Variants in SAMMSON observed in about 807,000 individuals in gnomAD.
SAMMSON encodes survival associated mitochondrial melanoma specific oncogenic non-coding RNA.
intron 3 of SAMMSON, among the ~76,000 whole-genome samples, chr3:70,041,487 A>C (rs1483043310): frequency 6.6e-6 from 1 of 152,104 alleles, no homozygotes; most frequent in Non-Finnish European, 1.5e-5. Context: ...TTCTTCATCT[A>C]AAACATGGTG....
chr3:70,098,256 A>G lies in SAMMSON; in HGVS notation n.507+26691A>G, dbSNP rs141727677. ...GTAGGGTTTGTGTGTCGTTTCATCA[A>G]TGGCAGGAATCCCTGCAAACTGAAA... On this transcript the variant is annotated intron_variant and non_coding_transcript_variant, in intron 4 of 9. Coordinates refer to ENST00000642114, the Ensembl canonical transcript of SAMMSON. 3.6e-3 allele frequency among the ~76,000 whole-genome samples: 552 copies of G among 152,304 alleles called. 1 individual carries two copies. The highest frequency in any genetic ancestry group is 0.012 in the African/African-American group (495 of 41,566).
intron 4 of SAMMSON, among the ~76,000 whole-genome samples, chr3:70,169,998 A>T (rs1010204408): frequency 1.3e-5 from 2 of 151,964 alleles, no homozygotes; most frequent in African/African-American, 4.8e-5. Flanking sequence ...GTAGTTCATC[A>T]AATGGAATGG....
At chr3:70,027,983 G>C (rs1439684544) in intron 3 of SAMMSON, among the ~76,000 whole-genome samples, 1 of 152,156 alleles carries the variant, frequency 6.6e-6, no homozygotes, top group African/African-American at 2.4e-5. Context: ...CAATTCAGCA[G>C]TATTAGGGCA....
At chr3:70,229,542 T>A (rs1701539511) in intron 4 of SAMMSON, among the ~76,000 whole-genome samples, 1 of 152,216 alleles carries the variant, frequency 6.6e-6, no homozygotes, top group African/African-American at 2.4e-5. Context: ...TAAAAATAGT[T>A]CTGGCTGAAG....
At chr3:70,365,196 A>G (rs1292399546) in intron 9 of SAMMSON, among the ~76,000 whole-genome samples, 3 of 151,654 alleles carry the variant, frequency 2.0e-5, no homozygotes, top group Non-Finnish European at 4.4e-5. Context: ...TTTTCTTAAT[A>G]CATTTCCTCC....
intron 6 of SAMMSON, among the ~76,000 whole-genome samples, chr3:70,286,899 A>G (rs1400516740): frequency 6.6e-6 from 1 of 151,918 alleles, no homozygotes; most frequent in Non-Finnish European, 1.5e-5. Context: ...ATTTTTGTAC[A>G]TTGATTTTGT....
chr3:70,319,563 G>A (rs1702521098), intron 7 of SAMMSON, among the ~76,000 whole-genome samples: 1 of 152,034 alleles, frequency 6.6e-6, no homozygotes. Flanking sequence ...GGCAGACACA[G>A]CCTAGAACAA....
At chr3:70,258,425 T>C in intron 6 of SAMMSON, among the ~76,000 whole-genome samples, 1 of 152,218 alleles carries the variant, frequency 6.6e-6, no homozygotes, top group Non-Finnish European at 1.5e-5. Context: ...AATATGTATT[T>C]ACAGAGAGAG....
chr3:70,150,539 A>AAGCTTGAACAAAGCCAAC (rs2067567214), intron 4 of SAMMSON, among the ~76,000 whole-genome samples: 1 of 152,064 alleles, frequency 6.6e-6, no homozygotes, highest in Admixed American at 6.6e-5. Flanking sequence ...GAGTTGAACC[A>AAGCTTGAACAAAGCCAAC]TAGTTGGCTT....
intron 4 of SAMMSON, among the ~76,000 whole-genome samples, chr3:70,074,579 A>G (rs758246246): frequency 3.3e-5 from 5 of 152,170 alleles, no homozygotes; most frequent in African/African-American, 4.8e-5. Context: ...TAAAATTGTT[A>G]TAAATTTGTC....
chr3:70,010,342 GT>G (rs1476698619), intron 1 of SAMMSON, among the ~76,000 whole-genome samples: 4 of 151,978 alleles, frequency 2.6e-5, no homozygotes, highest in Non-Finnish European at 5.9e-5. Context: ...GTGCATATAT[GT>G]TTAGGATAGT....
At chr3:70,058,294 A>T (rs1341104972) in intron 3 of SAMMSON, among the ~76,000 whole-genome samples, 1 of 152,006 alleles carries the variant, frequency 6.6e-6, no homozygotes, top group Non-Finnish European at 1.5e-5. Context: ...CCTCCTTAGC[A>T]TAAAGCTGCA....
chr3:70,106,012 C>T (rs997194535), intron 4 of SAMMSON, among the ~76,000 whole-genome samples: 1 of 152,188 alleles, frequency 6.6e-6, no homozygotes, highest in African/African-American at 2.4e-5. Flanking sequence ...TTTCTCTTGG[C>T]TGCTTTCTGG....
At chr3:70,214,357 G>T (rs1290263927) in intron 4 of SAMMSON, among the ~76,000 whole-genome samples, 1 of 152,106 alleles carries the variant, frequency 6.6e-6, no homozygotes, top group Non-Finnish European at 1.5e-5. Flanking sequence ...AGAAACGTTA[G>T]ATGAAATGTT....
chr3:70,154,120 G>A (rs1398255413), intron 4 of SAMMSON, among the ~76,000 whole-genome samples: 1 of 151,240 alleles, frequency 6.6e-6, no homozygotes, highest in African/African-American at 2.4e-5. Flanking sequence ...ACAGTGTTAG[G>A]GGCTATTTAA....
At chr3:70,295,462 G>T (rs1702280532) in intron 7 of SAMMSON, among the ~76,000 whole-genome samples, 1 of 152,070 alleles carries the variant, frequency 6.6e-6, no homozygotes. Flanking sequence ...CTAGCACTTT[G>T]GGAGGCCGAG....
At chr3:70,163,100 C>A (rs2067622725) in intron 4 of SAMMSON, among the ~76,000 whole-genome samples, 1 of 151,412 alleles carries the variant, frequency 6.6e-6, no homozygotes, top group South Asian at 2.1e-4. Context: ...TCTAGTCTGA[C>A]AACCTCTATC....
At chr3:70,007,275 G>C (rs928903118) in intron 1 of SAMMSON, among the ~76,000 whole-genome samples, 11 of 152,136 alleles carry the variant, frequency 7.2e-5, no homozygotes, top group Admixed American at 2.0e-4. Flanking sequence ...CAGTGTAAAA[G>C]TGTTCCTATT....
At chr3:70,293,763 A>G (rs893075671) in intron 7 of SAMMSON, among the ~76,000 whole-genome samples, 3 of 152,120 alleles carry the variant, frequency 2.0e-5, no homozygotes. Flanking sequence ...TAGGAAAAAT[A>G]TAACAATGAG....
Sources: gnomAD v4.1 joint callset for allele counts (sites outside exome capture counted in the v4.1 genomes callset) on GRCh38, gnomAD v4.1.1 for gene constraint, MANE v1.5 for transcripts, NCBI Gene and HGNC (gene_info 2026-07-23, HGNC 2026-07-21) for gene names.